The following UHRF2 variants were observed in gnomAD, a reference collection of about 807,000 sequenced individuals.
UHRF2 encodes E3 ubiquitin-protein ligase UHRF2.
A neutral mutation model predicts 96.8 loss-of-function variants in UHRF2; 23 were observed. That is an observed-to-expected ratio of 0.24 (90% CI 0.17 to 0.34). UHRF2 has a LOEUF of 0.34. UHRF2 is among the 10% of genes least tolerant of loss of function. The pLI is 1.00. For synonymous variants in UHRF2, 385 were observed against 332.6 expected (o/e 1.16, Z -1.72); for missense variants, 685 against 981.5 (o/e 0.70, Z 4.04).
intron 4 of UHRF2, chr9:6,468,464 G>C (rs1196999353): frequency 6.6e-6 from 3 of 456,084 alleles, no homozygotes; most frequent in Non-Finnish European, 1.3e-5. Flanking sequence ...CCAACTGCGG[G>C]TATGTCTCTG....
chr9:6,418,626 A>G (rs1392885704), intron 1 of UHRF2, among the ~76,000 whole-genome samples: 5 of 152,338 alleles, frequency 3.3e-5, no homozygotes, highest in Admixed American at 3.3e-4. Flanking sequence ...TTGAAAAGTA[A>G]TACATATGAA....
At chr9:6,465,215 C>G (rs1226536578) in intron 4 of UHRF2, among the ~76,000 whole-genome samples, 1 of 152,126 alleles carries the variant, frequency 6.6e-6, no homozygotes, top group Non-Finnish European at 1.5e-5. Context: ...TGTAGATATG[C>G]TCTCCTAGAT....
At chr9:6,463,139 G>C (rs567668176) in intron 4 of UHRF2, among the ~76,000 whole-genome samples, 84 of 152,172 alleles carry the variant, frequency 5.5e-4, no homozygotes, top group African/African-American at 1.8e-3. Flanking sequence ...AAATTAGCTG[G>C]GTGCGGTGTT....
chr9:6,430,952 T>G (rs1288042080), intron 2 of UHRF2, among the ~76,000 whole-genome samples: 1 of 152,252 alleles, frequency 6.6e-6, no homozygotes, highest in African/African-American at 2.4e-5. Context: ...TGCTCCCACA[T>G]AGGCAAATTC....
intron 9 of UHRF2, among the ~76,000 whole-genome samples, chr9:6,489,314 T>A (rs748387462): frequency 5.9e-5 from 9 of 152,230 alleles, no homozygotes; most frequent in Non-Finnish European, 1.2e-4. Flanking sequence ...CATTTACTCA[T>A]GGAAGAACAG....
intron 3 of UHRF2, among the ~76,000 whole-genome samples, chr9:6,452,551 G>T (rs1241194663): frequency 1.3e-5 from 2 of 152,150 alleles, no homozygotes; most frequent in Admixed American, 1.3e-4. Context: ...CTAAAGATGG[G>T]GAAGTGTGTT....
chr9:6,485,040 G>A (rs891297363), intron 8 of UHRF2, among the ~76,000 whole-genome samples: 7 of 151,894 alleles, frequency 4.6e-5, no homozygotes, highest in Non-Finnish European at 1.0e-4. Context: ...TGATCCACCC[G>A]CCTTGGCCTC....
chr9:6,474,328 C>A (rs757810824), intron 4 of UHRF2, among the ~76,000 whole-genome samples: 2 of 152,184 alleles, frequency 1.3e-5, no homozygotes, highest in Non-Finnish European at 2.9e-5. Context: ...ACTTTTGATT[C>A]AGAATGCATT....
At chr9:6,493,016 G>C (rs910432420) in intron 9 of UHRF2, among the ~76,000 whole-genome samples, 28 of 152,126 alleles carry the variant, frequency 1.8e-4, no homozygotes, top group African/African-American at 6.8e-4. Context: ...TAATATGAAA[G>C]CCAGGGCGCA....
intron 3 of UHRF2, among the ~76,000 whole-genome samples, chr9:6,434,803 G>A (rs1056007763): frequency 1.3e-5 from 2 of 151,946 alleles, no homozygotes; most frequent in African/African-American, 4.8e-5. Flanking sequence ...AATATGTAGT[G>A]TAATAGCATT....
At chr9:6,457,659 T>C (rs1251308029) in intron 3 of UHRF2, among the ~76,000 whole-genome samples, 2 of 152,234 alleles carry the variant, frequency 1.3e-5, no homozygotes, top group East Asian at 3.8e-4. Flanking sequence ...TAAATAGCTC[T>C]TATTATTTTG....
In UHRF2 at chr9:6,423,570, G is replaced by A. The variant is rs1820058986; in HGVS notation, c.384+2428G>A. Among the ~76,000 whole-genome samples, 6 of 151,326 alleles carry A rather than the reference G, an allele frequency of 4.0e-5. No individual in the cohort carries two copies. The South Asian group carries it at 1.2e-3, about 31-fold the overall frequency. Reference sequence around the variant, plus strand: ...TCAATATAATTCATTGTACTAATAAGCCAAAGAAAACATATTAATTTAAAA... The same window carrying A: ...TCAATATAATTCATTGTACTAATAAACCAAAGAAAACATATTAATTTAAAA... On this transcript the variant is annotated intron_variant, in intron 2 of 15. Transcript: ENST00000276893.
At chr9:6,444,909 C>T (rs955282069) in intron 3 of UHRF2, among the ~76,000 whole-genome samples, 2 of 151,834 alleles carry the variant, frequency 1.3e-5, no homozygotes, top group African/African-American at 4.8e-5. Context: ...GCCTAGGAAT[C>T]TGCTTTTCAA....
intron 13 of UHRF2, 68 bp downstream of exon 13, chr9:6,499,999 T>A: frequency 3.2e-6 from 4 of 1,257,164 alleles, no homozygotes; most frequent in Non-Finnish European, 4.5e-6. Context: ...TGAGACGGGG[T>A]CTCACTCTTG....
chr9:6,443,846 C>T (rs932032708), intron 3 of UHRF2, among the ~76,000 whole-genome samples: 1 of 152,164 alleles, frequency 6.6e-6, no homozygotes, highest in African/African-American at 2.4e-5. Context: ...ATCTGGCAAA[C>T]GTCTTAAAAT....
In UHRF2 at chr9:6,503,556, G is replaced by A. The variant is rs190700657; in HGVS notation, c.2164-1037G>A. 2.3e-3 allele frequency among the ~76,000 whole-genome samples: 345 copies of A among 152,150 alleles called. 2 individuals carry two copies. The highest frequency in any genetic ancestry group is 6.8e-3 in the Middle Eastern group (2 of 294). On this transcript the variant is annotated intron_variant, in intron 14 of 15. Transcript: ENST00000276893. ...AAACATTAGCATCAGGAAGGTATGG[G>A]ATTTTAGGATTGAGGTAAAATATGA...
intron 4 of UHRF2, chr9:6,468,504 CT>C (rs1563781506): frequency 2.2e-6 from 1 of 456,018 alleles, no homozygotes; most frequent in Admixed American, 2.3e-5. Flanking sequence ...AGGCAGGTAG[CT>C]TTGTAGTTGT....
In UHRF2 at chr9:6,506,298, C is replaced by A; in HGVS notation, c.*119C>A. 3 of 1,295,878 alleles carry A rather than the reference C, an allele frequency of 2.3e-6. No individual in the cohort carries two copies. The highest frequency in any genetic ancestry group is 2.4e-5 in the East Asian group (1 of 41,700). The allele number at this position is 1,295,878 out of a possible 1,614,324, so 80.3% of individuals were successfully genotyped here. A position where few individuals can be genotyped will look rare whatever the true frequency, so the allele number is the denominator to read the frequency against. ...CTCTCACGTTCTGAAGCAGCTAATC[C>A]TCTTTCCCACATAGCCATCATCTTG... On this transcript the variant is annotated 3_prime_UTR_variant, in exon 16 of 16. Transcript: ENST00000276893.
chr9:6,441,158 C>T lies in UHRF2; in HGVS notation c.644+6985C>T, dbSNP rs145254677. ...CTTTGGGAGGCCAAGGCAGGTGGAT[C>T]ACTTGAGCCCAGGAGTTCGAGACCA... On this transcript the variant is annotated intron_variant, in intron 3 of 15. Transcript: ENST00000276893. Among the ~76,000 whole-genome samples, 479 of 152,176 alleles carry T rather than the reference C, an allele frequency of 3.1e-3. 4 individuals carry two copies. The highest frequency in any genetic ancestry group is 5.4e-3 in the Non-Finnish European group (366 of 67,988).
Sources: allele counts gnomAD v4.1 joint callset (sites outside exome capture counted in the v4.1 genomes callset), GRCh38; gene constraint gnomAD v4.1.1; transcripts MANE v1.5; gene names NCBI Gene and HGNC (gene_info 2026-07-23, HGNC 2026-07-21).